Variants in KALRN observed in about 807,000 individuals in gnomAD.
KALRN encodes kalirin.
In KALRN, 70 loss-of-function variants were observed where a neutral mutation model predicts 353.7. The observed-to-expected ratio is 0.20, with a 90% confidence interval of 0.16 to 0.24. The LOEUF is 0.24. Among genes scored for constraint, KALRN ranks in the 10% least tolerant of loss-of-function variants. The pLI, the probability that KALRN is intolerant of heterozygous loss-of-function variation, is 1.00. For synonymous variants in KALRN, 1,391 were observed against 1,434.8 expected (o/e 0.97, Z 0.69); for missense variants, 2,791 against 3,756.7 (o/e 0.74, Z 6.72).
intron 1 of KALRN, among the ~76,000 whole-genome samples, chr3:124,085,497 C>T (rs1192513580): frequency 3.3e-5 from 5 of 152,200 alleles, no homozygotes; most frequent in Non-Finnish European, 7.3e-5. Flanking sequence ...ATAGCATTTT[C>T]TCATGATATA....
chr3:124,489,762 C>G (rs540155133), intron 29 of KALRN, among the ~76,000 whole-genome samples: 3 of 152,336 alleles, frequency 2.0e-5, no homozygotes, highest in South Asian at 2.1e-4. Flanking sequence ...GTCAGAAGTG[C>G]ACATTCATGG....
At chr3:124,399,741 C>G (rs185585566) in intron 13 of KALRN, among the ~76,000 whole-genome samples, 4 of 152,302 alleles carry the variant, frequency 2.6e-5, no homozygotes, top group Admixed American at 6.5e-5. Flanking sequence ...TCATAAACTC[C>G]TCAGTTTATT....
chr3:124,472,575 A>ATGTGTG (rs57265173), intron 25 of KALRN, among the ~76,000 whole-genome samples: 21,813 of 148,598 alleles, frequency 0.15, 1,924 homozygotes, highest in Non-Finnish European at 0.21. Flanking sequence ...GTGTGTGTAT[A>ATGTGTG]TGTGTGTGTG....
chr3:124,482,716 C>T (rs1175383821), intron 27 of KALRN, 92 bp from the exon 28 acceptor site: 12 of 824,516 alleles, frequency 1.5e-5, no homozygotes, highest in Admixed American at 3.6e-5. Flanking sequence ...CTCTTTCTTC[C>T]TCTCTTCTGA....
chr3:124,678,338 G>A (rs750575758), intron 50 of KALRN, 25 bp downstream of exon 50: 42 of 1,610,544 alleles, frequency 2.6e-5, no homozygotes, highest in East Asian at 6.7e-5. Flanking sequence ...CCGGAGCTGC[G>A]TCCCCACCTG....
At chr3:124,277,290 CTT>C (rs1560438774) in intron 5 of KALRN, among the ~76,000 whole-genome samples, 1 of 152,106 alleles carries the variant, frequency 6.6e-6, no homozygotes, top group East Asian at 1.9e-4. Flanking sequence ...TAATTTCCTG[CTT>C]TTTTTGGAGA....
intron 3 of KALRN, among the ~76,000 whole-genome samples, chr3:124,248,156 G>T (rs1157549299): frequency 6.6e-6 from 1 of 152,214 alleles, no homozygotes; most frequent in Admixed American, 6.5e-5. Context: ...TGGAATGGTT[G>T]GTTTTGTTTC....
chr3:124,620,064 A>G (rs1458833738), intron 34 of KALRN, among the ~76,000 whole-genome samples: 1 of 151,890 alleles, frequency 6.6e-6, no homozygotes, highest in Non-Finnish European at 1.5e-5. Context: ...AAGTTTCACC[A>G]TATTCTTTCA....
At chr3:124,099,873 G>A (rs1052369839) in intron 1 of KALRN, among the ~76,000 whole-genome samples, 1 of 152,150 alleles carries the variant, frequency 6.6e-6, no homozygotes, top group African/African-American at 2.4e-5. Context: ...TTTGAGAAGA[G>A]CCTATTCGGG....
At chr3:124,152,593 C>CTTTCTTT (rs1560091258) in intron 1 of KALRN, 2 of 56,614 alleles carry the variant, frequency 3.5e-5, no homozygotes, top group African/African-American at 5.7e-5. Context: ...TTCTTTCTTT[C>CTTTCTTT]TTTTTTTTTT....
chr3:124,300,083 A>G (rs2077148454), intron 6 of KALRN, among the ~76,000 whole-genome samples: 1 of 152,238 alleles, frequency 6.6e-6, no homozygotes, highest in Non-Finnish European at 1.5e-5. Flanking sequence ...CACAGAGGCC[A>G]AGAAGGAAGA....
chr3:124,319,913 G>C (rs968307415), intron 6 of KALRN, among the ~76,000 whole-genome samples: 29 of 152,102 alleles, frequency 1.9e-4, no homozygotes, highest in Middle Eastern at 3.4e-3. Context: ...AGAATTGCTT[G>C]AACCCAGGAG....
In KALRN at chr3:124,580,578, ATCTATTAACCC is replaced by A. The variant is rs2074532352; in HGVS notation, c.5182+17493_5182+17503del. Among the ~76,000 whole-genome samples the A allele has an allele frequency of 1.3e-5, 2 of 152,216 alleles. 1 individual carries two copies. The highest frequency in any genetic ancestry group is 4.1e-4 in the South Asian group (2 of 4,832). On this transcript the variant is annotated intron_variant, in intron 34 of 59. Transcript: ENST00000682506. ...TGGATGCAGGCTGGAGAATCTAGGC[ATCTATTAACCC>A]TCTCAACTAATAAACCTGGTCACAT...
chr3:124,661,985 C>T, intron 45 of KALRN, 57 bp downstream of exon 45: 1 of 1,386,554 alleles, frequency 7.2e-7, no homozygotes, highest in Non-Finnish European at 1.0e-6. Flanking sequence ...GGAGTCCAGA[C>T]TGTTGCGGCT....
chr3:124,682,200 T>C lies in KALRN; in HGVS notation c.7377+2683T>C, dbSNP rs2061373308. Among the ~76,000 whole-genome samples the C allele has an allele frequency of 2.0e-5, 3 of 152,266 alleles. No homozygotes were observed. The South Asian group carries it at 6.2e-4, about 32-fold the overall frequency. On this transcript the variant is annotated intron_variant, in intron 51 of 59. Coordinates refer to ENST00000682506, the MANE Select transcript of KALRN (RefSeq NM_001388419.1). ...AGAGGCTATACCTTAAAGATCCAAATTGAAATATAGGTGAGCAGGCCACCT... is the reference window on the plus strand; with the variant it reads ...AGAGGCTATACCTTAAAGATCCAAACTGAAATATAGGTGAGCAGGCCACCT...
chr3:124,521,442 A>T (rs1399038138), intron 33 of KALRN, among the ~76,000 whole-genome samples: 1 of 152,146 alleles, frequency 6.6e-6, no homozygotes, highest in African/African-American at 2.4e-5. Flanking sequence ...TTTGCCCAAG[A>T]CCATGTAGCA....
intron 6 of KALRN, among the ~76,000 whole-genome samples, chr3:124,306,035 A>G (rs1004793796): frequency 6.6e-6 from 1 of 152,220 alleles, no homozygotes; most frequent in Non-Finnish European, 1.5e-5. Flanking sequence ...CATAATTACA[A>G]TGTCCCCATC....
At chr3:124,117,206 T>C (rs2063533492) in intron 1 of KALRN, among the ~76,000 whole-genome samples, 1 of 152,070 alleles carries the variant, frequency 6.6e-6, no homozygotes, top group South Asian at 2.1e-4. Context: ...CTGCATCAGC[T>C]CAGAGGGAGA....
chr3:124,477,119 C>T (rs2061500351), intron 26 of KALRN, 126 bp from the exon 27 acceptor site: 2 of 580,910 alleles, frequency 3.4e-6, no homozygotes, highest in Admixed American at 3.1e-5. Flanking sequence ...GAACATTTGC[C>T]ATAGAAAATC....
Sources: allele counts gnomAD v4.1 joint callset (sites outside exome capture counted in the v4.1 genomes callset), GRCh38; gene constraint gnomAD v4.1.1; transcripts MANE v1.5; gene names NCBI Gene and HGNC (gene_info 2026-07-23, HGNC 2026-07-21).